Variants in MYO16 observed in about 807,000 individuals in gnomAD.
MYO16 encodes myosin XVI, also known as unconventional myosin-XVI.
A neutral mutation model predicts 205.3 loss-of-function variants in MYO16; 94 were observed. The ratio of observed to expected loss-of-function variants is 0.46; its 90% CI spans 0.39 to 0.54. The LOEUF (loss-of-function observed/expected upper bound fraction) is 0.54, where lower values mean the gene tolerates loss of function less well. MYO16 is among the 20% of genes least tolerant of loss of function. The pLI, the probability that MYO16 is intolerant of heterozygous loss-of-function variation, is 0.00. For missense variants in MYO16, 2,315 were observed against 2,387.5 expected (o/e 0.97, Z 0.63); for synonymous variants, 988 against 954.0 (o/e 1.04, Z -0.66).
chr13:109,098,286 A>C (rs1313900126), intron 27 of MYO16, among the ~76,000 whole-genome samples: 2 of 152,196 alleles, frequency 1.3e-5, no homozygotes, highest in Non-Finnish European at 2.9e-5. Context: ...AACCATTACA[A>C]TGAACACATT....
intron 27 of MYO16, chr13:109,056,113 A>ATGTC (rs1260759741): frequency 6.4e-6 from 1 of 155,066 alleles, no homozygotes; most frequent in East Asian, 1.9e-4. Context: ...AGAGATAGAC[A>ATGTC]GTGTGCCATG....
At chr13:108,571,301 GAA>G in the MYO16 span, among the ~76,000 whole-genome samples, 24 of 127,038 alleles carry the variant, frequency 1.9e-4, no homozygotes, top group African/African-American at 2.6e-4. Context: ...GCCCTGGGAT[GAA>G]AAAAAAAAAA....
At chr13:108,596,155 C>G (rs560290701), upstream of MYO16, 2 of 152,000 alleles carry the variant, frequency 1.3e-5, no homozygotes, top group Non-Finnish European at 2.9e-5. Context: ...ACCAGAACTG[C>G]GCTCGGAGAC....
At chr13:108,598,106 G>T (rs1177240569) in intron 1 of MYO16, among the ~76,000 whole-genome samples, 5 of 152,168 alleles carry the variant, frequency 3.3e-5, no homozygotes, top group African/African-American at 4.8e-5. Flanking sequence ...GAGACATGTG[G>T]GAAAGGGGGC....
At chr13:109,154,911 G>GAAAAAAAAAAAAAAAAAA (rs59465499) in intron 32 of MYO16, among the ~76,000 whole-genome samples, 3 of 62,666 alleles carry the variant, frequency 4.8e-5, no homozygotes, top group East Asian at 4.6e-4. Flanking sequence ...GGCTAATTAT[G>GAAAAAAAAAAAAAAAAAA]AAAAAAAAAA....
the MYO16 span, among the ~76,000 whole-genome samples, chr13:108,516,227 T>C: frequency 1.3e-5 from 2 of 151,596 alleles, no homozygotes; most frequent in African/African-American, 4.9e-5. Context: ...CGGGTGGGAG[T>C]GACCCGATTT....
the MYO16 span, among the ~76,000 whole-genome samples, chr13:108,572,264 G>A: frequency 6.6e-6 from 1 of 151,920 alleles, no homozygotes; most frequent in African/African-American, 2.4e-5. Context: ...CTTAATGCTG[G>A]CATTGAGCTT....
At chr13:108,632,726 T>C (rs148961673) in intron 1 of MYO16, among the ~76,000 whole-genome samples, 24 of 152,292 alleles carry the variant, frequency 1.6e-4, no homozygotes, top group Admixed American at 5.9e-4. Context: ...CCATTTCATG[T>C]ATCTTGGTAG....
intron 30 of MYO16, among the ~76,000 whole-genome samples, chr13:109,126,078 T>C (rs1876234050): frequency 6.6e-6 from 1 of 152,222 alleles, no homozygotes; most frequent in Non-Finnish European, 1.5e-5. Flanking sequence ...TTTGTTTTGC[T>C]ATAGAAACTT....
intron 11 of MYO16, among the ~76,000 whole-genome samples, chr13:108,862,346 TC>T (rs1220040596): frequency 6.6e-6 from 1 of 152,176 alleles, no homozygotes; most frequent in Non-Finnish European, 1.5e-5. Flanking sequence ...TATTTCACTC[TC>T]TTGGGATTTC....
chr13:108,884,883 T>C (rs171905), intron 13 of MYO16, among the ~76,000 whole-genome samples: 117,843 of 147,790 alleles, frequency 0.8, 46,175 homozygotes, highest in East Asian at 0.97. Context: ...GGGGCTCTCA[T>C]CCATTCTAGA....
At chr13:108,750,661 G>C (rs970339872) in intron 4 of MYO16, among the ~76,000 whole-genome samples, 4 of 151,216 alleles carry the variant, frequency 2.6e-5, no homozygotes, top group Non-Finnish European at 5.9e-5. Context: ...AAGAAAATTA[G>C]CCAAGCGTGG....
the MYO16 span, among the ~76,000 whole-genome samples, chr13:108,549,482 C>G: frequency 1.3e-5 from 2 of 151,818 alleles, no homozygotes; most frequent in Non-Finnish European, 2.9e-5. Flanking sequence ...AATAATAAAT[C>G]TGTGTTGTCT....
intron 22 of MYO16, among the ~76,000 whole-genome samples, chr13:109,019,001 G>A (rs185532310): frequency 3.8e-4 from 57 of 148,852 alleles, no homozygotes; most frequent in Admixed American, 2.5e-3. Flanking sequence ...GCAGGGTTGC[G>A]TCTGTTGTCC....
At chr13:108,599,933 G>A (rs1878703913) in intron 1 of MYO16, among the ~76,000 whole-genome samples, 2 of 152,102 alleles carry the variant, frequency 1.3e-5, no homozygotes, top group South Asian at 2.1e-4. Context: ...CAGATTTTAT[G>A]TAAAGTTTGG....
At chr13:109,079,897 T>C (rs1222715875) in intron 27 of MYO16, among the ~76,000 whole-genome samples, 1 of 125,766 alleles carries the variant, frequency 8.0e-6, no homozygotes, top group Admixed American at 8.3e-5. Context: ...TTTTTTTGAG[T>C]TGGAGTCTCA....
At chr13:109,082,473 A>G (rs1888310322) in intron 27 of MYO16, among the ~76,000 whole-genome samples, 1 of 152,230 alleles carries the variant, frequency 6.6e-6, no homozygotes, top group Non-Finnish European at 1.5e-5. Flanking sequence ...AAAATTGAAG[A>G]TAACTTCTGA....
At chr13:108,832,853 C>A in intron 9 of MYO16, among the ~76,000 whole-genome samples, 1 of 152,146 alleles carries the variant, frequency 6.6e-6, no homozygotes, top group South Asian at 2.1e-4. Flanking sequence ...ATTACAACTA[C>A]ATTGTTAAAT....
chr13:108,635,483 G>A (rs1880180396), intron 1 of MYO16, among the ~76,000 whole-genome samples: 1 of 151,004 alleles, frequency 6.6e-6, no homozygotes, highest in African/African-American at 2.4e-5. Flanking sequence ...TGATATGAAT[G>A]TGGTGTAGAT....
Sources: allele counts gnomAD v4.1 joint callset (sites outside exome capture counted in the v4.1 genomes callset), GRCh38; gene constraint gnomAD v4.1.1; transcripts MANE v1.5; gene names NCBI Gene and HGNC (gene_info 2026-07-23, HGNC 2026-07-21).